LY86: variants seen among roughly 807,000 people sequenced by gnomAD.
LY86 encodes the protein lymphocyte antigen 86, also known as MD-1, RP105-associated.
Under a neutral mutation model 17.3 loss-of-function variants are expected in LY86, and 20 were observed. The observed-to-expected ratio is 1.15, with a 90% confidence interval of 0.81 to 1.68. The LOEUF (loss-of-function observed/expected upper bound fraction) is 1.68, where lower values mean the gene tolerates loss of function less well. LY86 is among the 40% of genes most tolerant of loss of function. The pLI, the probability that LY86 is intolerant of heterozygous loss-of-function variation, is 0.00. For synonymous variants in LY86, 74 were observed against 70.6 expected (o/e 1.05, Z -0.24); for missense variants, 200 against 191.9 (o/e 1.04, Z -0.25).
chr6:6,600,632 A>AAAAAAAAAAAAG (rs1760876977), intron 1 of LY86, among the ~76,000 whole-genome samples: 1 of 134,546 alleles, frequency 7.4e-6, no homozygotes, highest in Non-Finnish European at 1.6e-5. Flanking sequence ...AAAAAAAGAA[A>AAAAAAAAAAAAG]ATATAGCAGG....
intron 3 of LY86, among the ~76,000 whole-genome samples, chr6:6,631,634 G>T (rs1252648421): frequency 6.6e-6 from 1 of 152,216 alleles, no homozygotes. Context: ...GAAGCTCTGG[G>T]GTTGGGGCTT....
intron 1 of LY86, among the ~76,000 whole-genome samples, chr6:6,606,415 G>A (rs1348035590): frequency 6.6e-6 from 1 of 152,188 alleles, no homozygotes; most frequent in Non-Finnish European, 1.5e-5. Flanking sequence ...TTCACCCACT[G>A]GATCCTGCAC....
chr6:6,589,857 C>G (rs947862290), intron 1 of LY86, among the ~76,000 whole-genome samples: 1 of 152,072 alleles, frequency 6.6e-6, no homozygotes, highest in East Asian at 1.9e-4. Flanking sequence ...CATGATGGCT[C>G]ACACCTGTAA....
chr6:6,612,501 A>C (rs1048210204), intron 1 of LY86, among the ~76,000 whole-genome samples: 2 of 144,756 alleles, frequency 1.4e-5, no homozygotes, highest in African/African-American at 5.3e-5. Flanking sequence ...CAACAAAAAC[A>C]CTTACTGCAA....
intron 1 of LY86, among the ~76,000 whole-genome samples, chr6:6,619,649 C>T (rs2113132605): frequency 6.6e-6 from 1 of 152,338 alleles, no homozygotes; most frequent in East Asian, 1.9e-4. Context: ...CTAACATCCT[C>T]CTGGGGCCAG....
At chr6:6,654,407 G>A in intron 4 of LY86, 137 bp from the exon 5 acceptor site, 1 of 659,090 alleles carries the variant, frequency 1.5e-6, no homozygotes, top group Non-Finnish European at 2.7e-6. Context: ...CAGGGCAGGG[G>A]TTGGCTTGTC....
chr6:6,629,729 C>T (rs1761870767), intron 3 of LY86, among the ~76,000 whole-genome samples: 1 of 152,238 alleles, frequency 6.6e-6, no homozygotes, highest in Non-Finnish European at 1.5e-5. Flanking sequence ...GCCTTGTCCT[C>T]AGCTAGCTTT....
chr6:6,605,427 G>A (rs1026319012), intron 1 of LY86, among the ~76,000 whole-genome samples: 25 of 152,234 alleles, frequency 1.6e-4, no homozygotes, highest in African/African-American at 5.3e-4. Context: ...GACCTCCAAA[G>A]ATCCGCTTTC....
chr6:6,619,860 A>AG (rs944949117), intron 1 of LY86, among the ~76,000 whole-genome samples: 6 of 152,096 alleles, frequency 3.9e-5, no homozygotes, highest in Admixed American at 3.9e-4. Flanking sequence ...ACAGGGAGAG[A>AG]GGGAAAGAAT....
chr6:6,612,384 T>TA (rs1385059402), intron 1 of LY86, among the ~76,000 whole-genome samples: 1 of 152,222 alleles, frequency 6.6e-6, no homozygotes, highest in Admixed American at 6.5e-5. Context: ...GTTAATCATT[T>TA]ATTTTCCCCC....
In LY86 at chr6:6,588,837, G is replaced by A. The variant is rs377638373; in HGVS notation, c.103G>A (p.Asp35Asn). 1.3e-5 allele frequency: 21 copies of A among 1,614,098 alleles called. 1 individual carries two copies. The South Asian group carries it at 1.3e-4, about 10-fold the overall frequency. ...CTGGCCCACACACGTGGTCTGTAGC[G>A]ACAGCGGCTTGGAAGTGCTCTACCA... ...KAWPTHVVCS[D>N]SGLEVLYQSC... Residue 35 changes from aspartate to asparagine, a missense_variant, in exon 1 of 5, where the codon GAC (aspartate) becomes AAC (asparagine). Coordinates refer to ENST00000230568, the MANE Select transcript of LY86 (RefSeq NM_004271.4).
At chr6:6,633,245 G>C (rs960015698) in intron 3 of LY86, among the ~76,000 whole-genome samples, 4 of 152,186 alleles carry the variant, frequency 2.6e-5, no homozygotes, top group Non-Finnish European at 5.9e-5. Context: ...CTCATGTTTG[G>C]ACTGTCAAGA....
intron 1 of LY86, among the ~76,000 whole-genome samples, chr6:6,595,548 G>A (rs775934097): frequency 2.0e-4 from 27 of 132,952 alleles, no homozygotes; most frequent in South Asian, 8.3e-4. Context: ...TCCTCTCTAC[G>A]CACATCCAGA....
chr6:6,619,254 C>G (rs943007257), intron 1 of LY86, among the ~76,000 whole-genome samples: 9 of 152,172 alleles, frequency 5.9e-5, no homozygotes, highest in African/African-American at 2.2e-4. Flanking sequence ...AAATCAAAAG[C>G]AAGGTCTGTT....
chr6:6,648,716 A>G (rs556151947), intron 3 of LY86, among the ~76,000 whole-genome samples: 1 of 150,292 alleles, frequency 6.7e-6, no homozygotes, highest in South Asian at 2.1e-4. Context: ...TTAATTCCCC[A>G]CCACCCTAGG....
At chr6:6,609,606 C>G (rs969772543) in intron 1 of LY86, among the ~76,000 whole-genome samples, 11 of 152,306 alleles carry the variant, frequency 7.2e-5, no homozygotes, top group African/African-American at 2.4e-4. Flanking sequence ...CAGCAACATG[C>G]TAACACAGAA....
intron 4 of LY86, among the ~76,000 whole-genome samples, chr6:6,650,477 G>A (rs1334095561): frequency 6.6e-6 from 1 of 151,954 alleles, no homozygotes; most frequent in Non-Finnish European, 1.5e-5. Context: ...TTGGACTACA[G>A]GCACATGCCA....
At chr6:6,640,005 C>G (rs1762015636) in intron 3 of LY86, among the ~76,000 whole-genome samples, 1 of 152,198 alleles carries the variant, frequency 6.6e-6, no homozygotes, top group Non-Finnish European at 1.5e-5. Flanking sequence ...GCTCACAAAT[C>G]TGAGGCAAGA....
At chr6:6,625,963 T>C (rs1050434183) in intron 2 of LY86, among the ~76,000 whole-genome samples, 1 of 152,170 alleles carries the variant, frequency 6.6e-6, no homozygotes, top group Non-Finnish European at 1.5e-5. Flanking sequence ...GAACAAATGA[T>C]ACTATGCAAC....
Sources: gnomAD v4.1 joint callset for allele counts (sites outside exome capture counted in the v4.1 genomes callset) on GRCh38, gnomAD v4.1.1 for gene constraint, MANE v1.5 for transcripts, NCBI Gene and HGNC (gene_info 2026-07-23, HGNC 2026-07-21) for gene names.